Variants in PDE2A observed in about 807,000 individuals in gnomAD.
The protein encoded by PDE2A is phosphodiesterase 2A, also known as cGMP-dependent 3',5'-cyclic phosphodiesterase.
A neutral mutation model predicts 133.6 loss-of-function variants in PDE2A; 53 were observed. The observed-to-expected ratio is 0.40, with a 90% CI of 0.32 to 0.50. PDE2A has a LOEUF of 0.50. Among genes scored for constraint, PDE2A ranks in the 20% least tolerant of loss-of-function variants. PDE2A has a pLI of 0.73. For synonymous variants in PDE2A, 491 were observed against 490.2 expected (o/e 1.00, Z -0.02); for missense variants, 796 against 1,232.4 (o/e 0.65, Z 5.30).
intron 6 of PDE2A, 101 bp downstream of exon 6, chr11:72,596,476 TCTCTCTCTCACACACA>T: frequency 4.2e-6 from 1 of 235,388 alleles, no homozygotes. Context: ...TCTCTCTCTC[TCTCTCTCTCACACACA>T]CACACACACA....
chr11:72,599,160 C>T (rs1259426011), intron 4 of PDE2A: 1 of 336,130 alleles, frequency 3.0e-6, no homozygotes, highest in Non-Finnish European at 4.2e-6. Context: ...ATCCTGCCGA[C>T]TCCCAACTAT....
intron 1 of PDE2A, among the ~76,000 whole-genome samples, chr11:72,651,120 G>C (rs1458842725): frequency 6.6e-6 from 1 of 152,184 alleles, no homozygotes; most frequent in African/African-American, 2.4e-5. Flanking sequence ...CAAAGCTTCT[G>C]TTATAACACC....
chr11:72,602,542 G>T (rs1429922555), intron 4 of PDE2A, among the ~76,000 whole-genome samples: 1 of 152,144 alleles, frequency 6.6e-6, no homozygotes. Context: ...CTCCTGGGGG[G>T]ACCAGAGCCA....
chr11:72,585,114 G>GTTTT, intron 16 of PDE2A, 170 bp from the exon 17 acceptor site: 2 of 593,898 alleles, frequency 3.4e-6, no homozygotes, highest in Admixed American at 3.0e-5. Flanking sequence ...CAAGTGTTTT[G>GTTTT]TTTTTTTTTT....
At chr11:72,632,781 A>G (rs4944599) in intron 2 of PDE2A, among the ~76,000 whole-genome samples, 29,828 of 147,444 alleles carry the variant, frequency 0.2, 3,677 homozygotes, top group African/African-American at 0.35. Context: ...CCCCCCTCAC[A>G]CCTCCCACCA....
chr11:72,670,792 G>A (rs1385295260), intron 1 of PDE2A, among the ~76,000 whole-genome samples: 2 of 152,152 alleles, frequency 1.3e-5, no homozygotes, highest in Non-Finnish European at 2.9e-5. Context: ...TGGGTAGCCT[G>A]GAGTTGCTGG....
intron 27 of PDE2A, 94 bp downstream of exon 27, chr11:72,579,190 G>C: frequency 1.9e-6 from 2 of 1,040,778 alleles, no homozygotes; most frequent in Non-Finnish European, 3.0e-6. Flanking sequence ...TGATGTTGCA[G>C]GGGATGGGTC....
intron 1 of PDE2A, chr11:72,649,300 A>G (rs1854653866): frequency 1.3e-5 from 2 of 152,288 alleles, no homozygotes; most frequent in Non-Finnish European, 2.9e-5. Context: ...AGACATCTAC[A>G]GACTACAGGA....
At chr11:72,659,762 G>A (rs909994798) in intron 1 of PDE2A, among the ~76,000 whole-genome samples, 5 of 152,068 alleles carry the variant, frequency 3.3e-5, no homozygotes, top group African/African-American at 1.2e-4. Flanking sequence ...GGACCACAGG[G>A]CACACCTGGT....
At chr11:72,607,659 G>A (rs1343053133) in intron 3 of PDE2A, among the ~76,000 whole-genome samples, 2 of 152,132 alleles carry the variant, frequency 1.3e-5, no homozygotes, top group African/African-American at 4.8e-5. Flanking sequence ...CTTGGGACAA[G>A]TGCCCTCTCT....
In PDE2A at chr11:72,578,816, G is replaced by T; in HGVS notation, c.2469+81C>A. On this transcript the variant is annotated intron_variant, in intron 28 of 30. Transcript: ENST00000334456. The surrounding 1 kb of genome is among the most constrained non-coding windows in gnomAD (Gnocchi z 4.2). ...ACACAGCCAGGCTGAGCTGAGCAGA[G>T]AGAGGGTATTCAGGCACAGGGGGCA... The T allele has an allele frequency of 1.2e-6, 1 of 832,564 alleles. No homozygotes were observed. The highest frequency in any genetic ancestry group is 2.5e-5 in the East Asian group (1 of 40,014). 51.6% of individuals were successfully genotyped at this position (832,564 alleles called of 1,614,324 possible).
At chr11:72,596,716 C>G (rs1414612390) in intron 5 of PDE2A, 68 bp from the exon 6 acceptor site, 1 of 1,041,056 alleles carries the variant, frequency 9.6e-7, no homozygotes, top group Non-Finnish European at 1.3e-6. Context: ...GAGCCGGGAC[C>G]CAGGTGGGGG....
chr11:72,591,398 G>A (rs758610421), intron 6 of PDE2A, 42 bp from the exon 7 acceptor site: 1 of 1,527,538 alleles, frequency 6.5e-7, no homozygotes, highest in East Asian at 2.2e-5. Context: ...ACCTCTCTCA[G>A]TGTCTGTCTC....
intron 2 of PDE2A, among the ~76,000 whole-genome samples, chr11:72,622,233 G>C (rs1361270310): frequency 3.3e-5 from 5 of 152,108 alleles, no homozygotes; most frequent in Non-Finnish European, 7.4e-5. Flanking sequence ...CAAGGATGTG[G>C]AGAAACTGAA....
In PDE2A at chr11:72,586,161, T is replaced by A. The variant is rs751322213; in HGVS notation, c.1091A>T (p.His364Leu). 1.6e-5 allele frequency: 25 copies of A among 1,611,584 alleles called. No homozygotes were observed. Among genetic ancestry groups the A allele is most frequent in the Non-Finnish European group, 2.0e-5 (24 of 1,178,446 alleles). ...GTAGTGGAAGCAGTGCTGGATCACA[T>A]GCTCGTCCTCGTCGGTGAACCTGGA... is the stretch of plus-strand genomic sequence containing the variant. ...EGDLFTDEDE[H>L]VIQHCFHYTS... Residue 364 changes from histidine (H) to leucine (L), a missense_variant, in exon 14 of 31, where the codon CAT (histidine) becomes CTT (leucine). His to Leu is a moderately conservative substitution (Grantham distance 99). This residue lies in a region of PDE2A where 417 missense variants were observed against 475.3 expected (regional missense o/e 0.88). Coordinates refer to ENST00000334456, the MANE Select transcript of PDE2A (RefSeq NM_002599.5).
In PDE2A at chr11:72,638,952, A is replaced by T. The variant is rs552485504; in HGVS notation, c.144+3302T>A. On this transcript the variant is annotated intron_variant, in intron 2 of 30. Transcript: ENST00000334456. ...AGCCCCAGGCTGCATTTCTCTGCCC[A>T]CCCCAACACCCCCTTCAAGGTCCAG... Among the ~76,000 whole-genome samples, 25 of 152,186 alleles carry T rather than the reference A, an allele frequency of 1.6e-4. 1 individual carries two copies. The South Asian group carries it at 4.4e-3, about 27-fold the overall frequency.
At chr11:72,637,831 G>C (rs2135429682) in intron 2 of PDE2A, among the ~76,000 whole-genome samples, 1 of 152,332 alleles carries the variant, frequency 6.6e-6, no homozygotes, top group South Asian at 2.1e-4. Context: ...AAAGTGGTGA[G>C]GGACAGGGAT....
intron 1 of PDE2A, among the ~76,000 whole-genome samples, chr11:72,653,342 A>G (rs1854799338): frequency 6.6e-6 from 1 of 152,216 alleles, no homozygotes; most frequent in African/African-American, 2.4e-5. Flanking sequence ...AGACAGTGAA[A>G]GGCAGAGACA....
intron 2 of PDE2A, among the ~76,000 whole-genome samples, chr11:72,617,134 G>A (rs1333876454): frequency 1.3e-5 from 2 of 152,246 alleles, no homozygotes; most frequent in African/African-American, 4.8e-5. Context: ...GGGATGGGCT[G>A]AGCCCTCTCA....
Sources: gnomAD v4.1 joint callset for allele counts (sites outside exome capture counted in the v4.1 genomes callset) on GRCh38, gnomAD v4.1.1 for gene constraint, gnomAD v4.1.1 regional missense constraint, Gnocchi (gnomAD v3.1) non-coding constraint, MANE v1.5 for transcripts, NCBI Gene and HGNC (gene_info 2026-07-23, HGNC 2026-07-21) for gene names.